Variants in FAM78B observed in about 807,000 individuals in gnomAD.
The protein encoded by FAM78B is family with sequence similarity 78 member B, also known as protein FAM78B.
A neutral mutation model predicts 20.0 loss-of-function variants in FAM78B; 10 were observed. The observed-to-expected ratio is 0.50, with a 90% confidence interval of 0.31 to 0.85. The LOEUF is 0.85. Ranked by LOEUF, FAM78B falls within the 40% of genes least tolerant of loss-of-function variation. The pLI is 0.05. For synonymous variants in FAM78B, 135 were observed against 132.8 expected, an observed-to-expected ratio of 1.02 and a Z score of -0.12; for missense variants, 283 against 345.0, an observed-to-expected ratio of 0.82 and a Z score of 1.42.
At chr1:166,077,270 T>A (rs1161958971) in intron 1 of FAM78B, among the ~76,000 whole-genome samples, 1 of 152,196 alleles carries the variant, frequency 6.6e-6, no homozygotes, top group African/African-American at 2.4e-5. Flanking sequence ...GCAGACTGCT[T>A]AGGCCTGTAA....
At chr1:166,127,739 T>C (rs900542412) in intron 1 of FAM78B, among the ~76,000 whole-genome samples, 1 of 152,206 alleles carries the variant, frequency 6.6e-6, no homozygotes, top group Non-Finnish European at 1.5e-5. Flanking sequence ...TGACTGCTAC[T>C]GTGTGTCTGT....
At chr1:166,139,830 G>T (rs1655212500) in intron 1 of FAM78B, among the ~76,000 whole-genome samples, 1 of 152,170 alleles carries the variant, frequency 6.6e-6, no homozygotes, top group South Asian at 2.1e-4. Context: ...CTGAACCAGA[G>T]AGCTCATAAG....
intron 1 of FAM78B, among the ~76,000 whole-genome samples, chr1:166,102,365 C>T (rs867383176): frequency 9.1e-4 from 138 of 152,146 alleles, no homozygotes; most frequent in African/African-American, 3.0e-3. Context: ...ACAATATTAA[C>T]GTAAATGTAA....
chr1:166,139,348 G>A (rs1419605351), intron 1 of FAM78B, among the ~76,000 whole-genome samples: 2 of 152,188 alleles, frequency 1.3e-5, no homozygotes. Context: ...AGTTTTACAT[G>A]CAAGCAGACT....
chr1:166,134,807 A>G (rs1180035440), intron 1 of FAM78B, among the ~76,000 whole-genome samples: 3 of 152,210 alleles, frequency 2.0e-5, no homozygotes, highest in Admixed American at 2.0e-4. Flanking sequence ...TCTGTCATCC[A>G]TGATGCTCTC....
At chr1:166,118,128 T>G (rs1654327040) in intron 1 of FAM78B, among the ~76,000 whole-genome samples, 1 of 152,298 alleles carries the variant, frequency 6.6e-6, no homozygotes, top group South Asian at 2.1e-4. Flanking sequence ...CTAGGACCAC[T>G]GGGAGAAAGT....
chr1:166,110,097 A>AATGGACT (rs1653991164), intron 1 of FAM78B, among the ~76,000 whole-genome samples: 1 of 150,468 alleles, frequency 6.6e-6, no homozygotes, highest in Admixed American at 6.6e-5. Flanking sequence ...AGAATGATGC[A>AATGGACT]ATGGACTTTG....
intron 1 of FAM78B, among the ~76,000 whole-genome samples, chr1:166,077,319 T>C (rs557072759): frequency 2.6e-5 from 4 of 152,302 alleles, no homozygotes; most frequent in African/African-American, 9.6e-5. Context: ...GAACTTTCTG[T>C]ACCTGTTTCC....
At position 166,166,590 on chromosome 1, in the gene FAM78B, C is replaced by A; in HGVS notation, c.-342G>T. ...GCGCTGCGAGGAATGGTGCCCACCC[C>A]GGGCCGGAGCCCCCCGCCCCTCGCC... On this transcript the variant is annotated 5_prime_UTR_variant, in exon 1 of 2. Transcript: ENST00000354422. 1 of 150,962 alleles carries A rather than the reference C, an allele frequency of 6.6e-6. No individual in the cohort carries two copies. Among genetic ancestry groups the A allele is most frequent in the South Asian group, 2.0e-4 (1 of 4,970 alleles). The allele number at this position is 150,962 out of a possible 1,614,324, so 9.4% of individuals were successfully genotyped here. A position where few individuals can be genotyped will look rare whatever the true frequency, so the allele number is the denominator to read the frequency against.
In FAM78B at chr1:166,070,535, C is replaced by T. The variant is rs756782790; in HGVS notation, c.492G>A (p.Lys164=). Reference sequence around the variant, plus strand: ...GCCAGGTCGTGAAACTTTGGTCTCTCTTGATTCTTGTGAGCAGTGGCACAT... The same window carrying T: ...GCCAGGTCGTGAAACTTTGGTCTCTTTTGATTCTTGTGAGCAGTGGCACAT... ...DSNVPLLTRI[K]RDQSFTTWLV... is the part of the protein sequence containing the mutation. The change falls in exon 2 of 2, where the codon AAG becomes AAA. Residue 164 remains lysine (K), a synonymous_variant. Transcript: ENST00000354422. 6.2e-7 allele frequency: 1 copy of T among 1,614,060 alleles called. No homozygotes were observed. The highest frequency in any genetic ancestry group is 1.1e-5 in the South Asian group (1 of 91,072).
At chr1:166,136,029 T>C (rs369368132) in intron 1 of FAM78B, among the ~76,000 whole-genome samples, 10 of 152,296 alleles carry the variant, frequency 6.6e-5, no homozygotes, top group Non-Finnish European at 1.0e-4. Context: ...AGAAGGAACA[T>C]TGCAAGCCTC....
intron 1 of FAM78B, chr1:166,148,066 C>T (rs1655531205): frequency 6.6e-6 from 1 of 152,208 alleles, no homozygotes; most frequent in South Asian, 2.1e-4. Flanking sequence ...TCTAACACTT[C>T]AACTTTAACA....
chr1:166,112,380 G>C (rs533800280), intron 1 of FAM78B, among the ~76,000 whole-genome samples: 15 of 152,216 alleles, frequency 9.9e-5, no homozygotes, highest in African/African-American at 3.4e-4. Context: ...TTATTAAAAA[G>C]TACTAATCAG....
At chr1:166,149,884 G>C (rs1167934244) in intron 1 of FAM78B, among the ~76,000 whole-genome samples, 1 of 152,102 alleles carries the variant, frequency 6.6e-6, no homozygotes, top group Admixed American at 6.5e-5. Flanking sequence ...CCAAATGACT[G>C]CTTTGCCTCT....
downstream of FAM78B, among the ~76,000 whole-genome samples, chr1:166,057,209 T>G (rs1651385193): frequency 6.6e-6 from 1 of 152,226 alleles, no homozygotes; most frequent in Non-Finnish European, 1.5e-5. Flanking sequence ...TTTCTTCCCC[T>G]TACAGTTGTC....
intron 1 of FAM78B, among the ~76,000 whole-genome samples, chr1:166,113,539 G>A (rs1383349757): frequency 2.6e-5 from 4 of 152,196 alleles, no homozygotes; most frequent in Middle Eastern, 3.2e-3. Context: ...TACCCTCCAA[G>A]GATATCTGCA....
chr1:166,082,781 T>C (rs1172591979), intron 1 of FAM78B: 2 of 152,392 alleles, frequency 1.3e-5, no homozygotes, highest in South Asian at 2.1e-4. Flanking sequence ...GGGAGTAAGA[T>C]GGGGAAGGCT....
downstream of FAM78B, among the ~76,000 whole-genome samples, chr1:166,067,629 C>A (rs953185668): frequency 1.3e-5 from 2 of 152,080 alleles, no homozygotes; most frequent in African/African-American, 4.8e-5. Context: ...AGATAATGAT[C>A]CACAAATCAC....
At chr1:166,056,926 G>A (rs1393386563), downstream of FAM78B, among the ~76,000 whole-genome samples, 1 of 152,174 alleles carries the variant, frequency 6.6e-6, no homozygotes, top group African/African-American at 2.4e-5. Context: ...ATTAGGTCAT[G>A]AAGACAGACC....
Sources: allele counts gnomAD v4.1 joint callset (sites outside exome capture counted in the v4.1 genomes callset), GRCh38; gene constraint gnomAD v4.1.1; transcripts MANE v1.5; gene names NCBI Gene and HGNC (gene_info 2026-07-23, HGNC 2026-07-21).